Variants in KIF6 observed in about 807,000 individuals in gnomAD.
The protein encoded by KIF6 is kinesin family member 6, also known as kinesin-like protein KIF6.
Under a neutral mutation model 112.7 loss-of-function variants are expected in KIF6, and 106 were observed. The ratio of observed to expected loss-of-function variants is 0.94; its 90% CI spans 0.80 to 1.11. The LOEUF (loss-of-function observed/expected upper bound fraction) is 1.11, where lower values mean the gene tolerates loss of function less well. Among genes scored for constraint, KIF6 ranks in the 50% least tolerant of loss-of-function variants. The pLI is 0.00. For synonymous variants in KIF6, 339 were observed against 339.9 expected, an observed-to-expected ratio of 1.00 and a Z score of 0.03; for missense variants, 929 against 964.0, an observed-to-expected ratio of 0.96 and a Z score of 0.48.
intron 13 of KIF6, among the ~76,000 whole-genome samples, chr6:39,483,013 T>C (rs1774893369): frequency 1.3e-5 from 2 of 152,246 alleles, no homozygotes; most frequent in African/African-American, 4.8e-5. Flanking sequence ...GTTTTGCTTT[T>C]TAGATCAATG....
chr6:39,627,900 A>G (rs1414876136), intron 5 of KIF6, among the ~76,000 whole-genome samples: 1 of 152,162 alleles, frequency 6.6e-6, no homozygotes, highest in East Asian at 1.9e-4. Flanking sequence ...CTTTTATAGC[A>G]TGTGACATAA....
chr6:39,351,620 C>G (rs1764253725), intron 19 of KIF6, among the ~76,000 whole-genome samples: 1 of 152,148 alleles, frequency 6.6e-6, no homozygotes, highest in Non-Finnish European at 1.5e-5. Flanking sequence ...CTCTCTCTCT[C>G]TCTCACACAC....
intron 5 of KIF6, among the ~76,000 whole-genome samples, chr6:39,628,063 T>C (rs1032667462): frequency 2.6e-5 from 4 of 152,154 alleles, no homozygotes; most frequent in African/African-American, 9.7e-5. Context: ...CCTTTTGAGA[T>C]TATTGTAGAT....
At chr6:39,412,717 C>A (rs899920379) in intron 15 of KIF6, among the ~76,000 whole-genome samples, 1 of 152,064 alleles carries the variant, frequency 6.6e-6, no homozygotes, top group East Asian at 1.9e-4. Context: ...AATTTTGCAC[C>A]ACCAAGTAAA....
chr6:39,428,012 A>AAGAATC (rs1562206430), intron 14 of KIF6, among the ~76,000 whole-genome samples: 1 of 152,230 alleles, frequency 6.6e-6, no homozygotes, highest in Non-Finnish European at 1.5e-5. Context: ...GAGCATGTGT[A>AAGAATC]AGAATCACTT....
chr6:39,472,742 G>A (rs968534964), intron 13 of KIF6, among the ~76,000 whole-genome samples: 4 of 152,142 alleles, frequency 2.6e-5, no homozygotes, highest in Admixed American at 1.3e-4. Flanking sequence ...ATGAGCCCTG[G>A]CCAAGTAGGC....
rs545985319 is a variant in KIF6 at position 39,693,927 on chromosome 6, C to T, written c.251+20765G>A. On this transcript the variant is annotated intron_variant, in intron 3 of 22. Transcript: ENST00000287152. ...AGATGCAAAAATCCTCAAGAAAATA[C>T]CAGCAAACCAAATCCAGCAGTACAT... 2.6e-5 allele frequency among the ~76,000 whole-genome samples: 4 copies of T among 152,144 alleles called. No homozygotes were observed. In the South Asian group the frequency reaches 6.2e-4, roughly 24 times the overall value.
intron 3 of KIF6, among the ~76,000 whole-genome samples, chr6:39,697,303 A>G (rs908743984): frequency 6.6e-6 from 1 of 152,198 alleles, no homozygotes; most frequent in East Asian, 1.9e-4. Flanking sequence ...GAATCCTCAT[A>G]TGGAAATTCT....
At chr6:39,644,826 T>C (rs1188761618) in intron 3 of KIF6, among the ~76,000 whole-genome samples, 1 of 152,178 alleles carries the variant, frequency 6.6e-6, no homozygotes. Flanking sequence ...GAATTACATC[T>C]CAACAAAGCT....
intron 15 of KIF6, among the ~76,000 whole-genome samples, chr6:39,396,938 C>A (rs1768316384): frequency 6.6e-6 from 1 of 152,160 alleles, no homozygotes. Flanking sequence ...GTATTTTCCC[C>A]TGTTCCCTTT....
At chr6:39,344,044 GCTGTGTCCTC>G (rs1763521303) in intron 21 of KIF6, among the ~76,000 whole-genome samples, 1 of 152,126 alleles carries the variant, frequency 6.6e-6, no homozygotes, top group Non-Finnish European at 1.5e-5. Flanking sequence ...ATATGGTTTG[GCTGTGTCCTC>G]ACCCAAATCT....
chr6:39,641,282 T>C (rs1387428919), intron 3 of KIF6, among the ~76,000 whole-genome samples: 2 of 152,086 alleles, frequency 1.3e-5, no homozygotes, highest in African/African-American at 2.4e-5. Flanking sequence ...GCATTATCTG[T>C]CTTGAAAAAC....
intron 15 of KIF6, among the ~76,000 whole-genome samples, chr6:39,406,857 T>A (rs1278077328): frequency 1.3e-5 from 2 of 152,134 alleles, no homozygotes; most frequent in African/African-American, 4.8e-5. Flanking sequence ...CAAGAAATCC[T>A]CCTGCCTCAG....
At chr6:39,620,417 G>A (rs1783749683) in intron 5 of KIF6, 2 of 152,284 alleles carry the variant, frequency 1.3e-5, no homozygotes, top group South Asian at 2.1e-4. Flanking sequence ...AGAGGCAATG[G>A]ATTTGTAATT....
chr6:39,557,102 G>C (rs1779745111), intron 10 of KIF6, among the ~76,000 whole-genome samples: 1 of 151,796 alleles, frequency 6.6e-6, no homozygotes, highest in Admixed American at 6.6e-5. Context: ...TATATACATA[G>C]ATATAAAATT....
chr6:39,529,511 G>T (rs1777922237), intron 13 of KIF6, among the ~76,000 whole-genome samples: 1 of 152,168 alleles, frequency 6.6e-6, no homozygotes, highest in Non-Finnish European at 1.5e-5. Flanking sequence ...ACCTGGCCAG[G>T]CGCAGTGGCT....
chr6:39,540,067 A>C lies in KIF6; in HGVS notation c.1581T>G (p.Ala527=), dbSNP rs1778700584. Residue 527 remains alanine, a synonymous_variant, in exon 13 of 23, where the codon GCT becomes GCG. Transcript: ENST00000287152. ...EEGQRMRLSS[A]PSQAQDFSIL... is the part of the protein sequence containing the mutation. ...TGCTGAAGTCCTGGGCCTGTGAGGG[A>C]GCTGAGGATAGTCGCATTCTTTGAC... 6.2e-7 allele frequency: 1 copy of C among 1,613,896 alleles called. No individual in the cohort carries two copies. Among genetic ancestry groups the C allele is most frequent in the East Asian group, 2.2e-5 (1 of 44,894 alleles).
At chr6:39,710,149 T>C (rs1049166990) in intron 3 of KIF6, among the ~76,000 whole-genome samples, 11 of 152,184 alleles carry the variant, frequency 7.2e-5, no homozygotes, top group Admixed American at 6.5e-4. Flanking sequence ...CCCAACTGTC[T>C]ATTCACTGGT....
At chr6:39,442,031 C>T (rs1393834605) in intron 13 of KIF6, among the ~76,000 whole-genome samples, 1 of 152,124 alleles carries the variant, frequency 6.6e-6, no homozygotes, top group African/African-American at 2.4e-5. Flanking sequence ...AATGGTGGCA[C>T]CACATCTAAA....
Sources: gnomAD v4.1 joint callset for allele counts (sites outside exome capture counted in the v4.1 genomes callset) on GRCh38, gnomAD v4.1.1 for gene constraint, MANE v1.5 for transcripts, NCBI Gene and HGNC (gene_info 2026-07-23, HGNC 2026-07-21) for gene names.